The following SYNE1 variants were observed in gnomAD, a reference collection of about 807,000 sequenced individuals.
SYNE1 encodes nesprin-1.
A neutral mutation model predicts 1,111.0 loss-of-function variants in SYNE1; 616 were observed. The observed-to-expected ratio is 0.55, with a 90% CI of 0.52 to 0.59. The LOEUF (loss-of-function observed/expected upper bound fraction) is 0.59. Among genes scored for constraint, SYNE1 ranks in the 20% least tolerant of loss-of-function variants. The probability of loss-of-function intolerance (pLI) is 0.00; values close to 1 mark genes in which losing one functional copy is unlikely to be tolerated. For synonymous variants in SYNE1, 3,855 were observed against 3,825.8 expected (o/e 1.01, Z -0.28); for missense variants, 10,006 against 10,417.0 (o/e 0.96, Z 1.72).
chr6:152,536,826 T>A (rs923202728), intron 4 of SYNE1, among the ~76,000 whole-genome samples: 2 of 152,228 alleles, frequency 1.3e-5, no homozygotes, highest in South Asian at 4.1e-4. Context: ...TTTTTCTCCA[T>A]TTAAGCTTAG....
At chr6:152,314,291 C>G (rs1376168688) in intron 87 of SYNE1, among the ~76,000 whole-genome samples, 2 of 152,160 alleles carry the variant, frequency 1.3e-5, no homozygotes, top group Non-Finnish European at 2.9e-5. Context: ...TCTCTCTATT[C>G]TTATCTCTTA....
intron 48 of SYNE1, among the ~76,000 whole-genome samples, chr6:152,399,223 T>C (rs1051955897): frequency 3.3e-5 from 5 of 152,206 alleles, no homozygotes; most frequent in Non-Finnish European, 5.9e-5. Context: ...CCCTGTTTCA[T>C]GGCTTCTACC....
rs770321987 is a variant in SYNE1 at position 152,122,493 on chromosome 6, G to A, written c.26337C>T (p.Asn8779=). Residue 8779 remains asparagine (N), a synonymous_variant, in exon 146 of 146, where the codon AAC becomes AAT. Coordinates refer to ENST00000367255, the MANE Select transcript of SYNE1 (RefSeq NM_182961.4). Reference sequence around the variant, plus strand: ...GCATGGGGTGGAATGACCGGGCAAAGTTGTTGGAGAGGGCACAGCTGTAGT... The same window carrying A: ...GCATGGGGTGGAATGACCGGGCAAAATTGTTGGAGAGGGCACAGCTGTAGT... ...EEDYSCALSN[N]FARSFHPMLR... 4 of 1,614,116 alleles carry A rather than the reference G, an allele frequency of 2.5e-6. No individual in the cohort carries two copies. The highest frequency in any genetic ancestry group is 1.1e-5 in the South Asian group (1 of 91,096).
At chr6:152,147,876 C>G in intron 137 of SYNE1, 169 bp downstream of exon 137, 1 of 670,768 alleles carries the variant, frequency 1.5e-6, no homozygotes, top group Non-Finnish European at 2.6e-6. Context: ...ACGGCCACAC[C>G]AAATTTTGCA....
At chr6:152,533,879 T>C (rs2154361219) in intron 4 of SYNE1, among the ~76,000 whole-genome samples, 1 of 152,244 alleles carries the variant, frequency 6.6e-6, no homozygotes, top group East Asian at 1.9e-4. Flanking sequence ...ATATTTCTGG[T>C]TGGGCACGGT....
chr6:152,378,314 T>C (rs992977383), intron 56 of SYNE1, among the ~76,000 whole-genome samples: 10 of 152,170 alleles, frequency 6.6e-5, no homozygotes, highest in African/African-American at 2.2e-4. Flanking sequence ...TGGCCCAGAT[T>C]TGTAAAGAAA....
At chr6:152,234,974 G>C (rs1185002061) in intron 110 of SYNE1, among the ~76,000 whole-genome samples, 174 bp from the exon 111 acceptor site, 1 of 152,138 alleles carries the variant, frequency 6.6e-6, no homozygotes, top group Non-Finnish European at 1.5e-5. Flanking sequence ...TATCAAGCCT[G>C]TCTCTCTGGG....
Position 152,206,267 on chromosome 6 carries a change from C to T in SYNE1, c.22920G>A (p.Glu7640=). 1 of 1,613,950 alleles carries T rather than the reference C, an allele frequency of 6.2e-7. No individual in the cohort carries two copies. The highest frequency in any genetic ancestry group is 8.5e-7 in the Non-Finnish European group (1 of 1,180,032). ...QLLLSADSGA[E]AALQAELAEI... is the part of the protein sequence containing the mutation. ...CAGCGAGTTCGGCCTGCAAGGCGGC[C>T]TCAGCGCCACTGTCCGCCGAGAGAA... is the stretch of plus-strand genomic sequence containing the variant. The change falls in exon 126 of 146, where the codon GAG becomes GAA. Residue 7640 remains glutamate, a synonymous_variant. Transcript: ENST00000367255.
chr6:152,404,386 A>G (rs1388639432), intron 45 of SYNE1, 72 bp from the exon 46 acceptor site: 1 of 1,217,200 alleles, frequency 8.2e-7, no homozygotes, highest in Admixed American at 1.7e-5. Context: ...TAATTTCAAG[A>G]AGAGCTAACT....
chr6:152,495,347 C>T (rs1391379042), intron 11 of SYNE1, among the ~76,000 whole-genome samples: 1 of 152,214 alleles, frequency 6.6e-6, no homozygotes, highest in African/African-American at 2.4e-5. Flanking sequence ...CTTCTGTTGA[C>T]ATAATTCCTC....
intron 121 of SYNE1, among the ~76,000 whole-genome samples, chr6:152,216,884 C>G (rs963044983): frequency 1.1e-4 from 16 of 150,974 alleles, no homozygotes; most frequent in Non-Finnish European, 3.0e-5. Flanking sequence ...TGAACCACCC[C>G]CCTCTCCATC....
chr6:152,212,664 T>G (rs1348330439), intron 123 of SYNE1, among the ~76,000 whole-genome samples: 1 of 152,176 alleles, frequency 6.6e-6, no homozygotes, highest in African/African-American at 2.4e-5. Flanking sequence ...AATTTCTGGG[T>G]TATATGATTA....
intron 129 of SYNE1, among the ~76,000 whole-genome samples, chr6:152,177,558 A>C (rs2066796626): frequency 6.6e-6 from 1 of 152,186 alleles, no homozygotes; most frequent in Non-Finnish European, 1.5e-5. Context: ...TCATTTACCT[A>C]AGCCAAAGGG....
chr6:152,152,164 C>T, intron 133 of SYNE1, 23 bp from the exon 134 acceptor site: 1 of 1,611,886 alleles, frequency 6.2e-7, no homozygotes, highest in African/African-American at 1.3e-5. Flanking sequence ...AGAAGCATAT[C>T]AGTGTGAGAA....
At position 152,409,442 on chromosome 6, in the gene SYNE1, T is replaced by C. The variant is rs2097972571; in HGVS notation, c.6381+117A>G. On this transcript the variant is annotated intron_variant, in intron 43 of 145. Transcript: ENST00000367255. ...CTAGGGGAAAAAAAGTTGAGCTCATTAGCATGAATTACCCACATCTAAGTA... is the reference window on the plus strand; with the variant it reads ...CTAGGGGAAAAAAAGTTGAGCTCATCAGCATGAATTACCCACATCTAAGTA... 4.3e-6 allele frequency: 6 copies of C among 1,387,472 alleles called. No individual in the cohort carries two copies. In the South Asian group the frequency reaches 6.2e-5, roughly 14 times the overall value. 85.9% of individuals were successfully genotyped at this position (1,387,472 alleles called of 1,614,324 possible).
intron 34 of SYNE1, among the ~76,000 whole-genome samples, chr6:152,432,814 G>A (rs533761002): frequency 4.6e-5 from 7 of 152,188 alleles, no homozygotes; most frequent in Admixed American, 1.3e-4. Context: ...AATATTTAAT[G>A]AATATTCTTC....
At chr6:152,589,313 T>C (rs1450611735) in intron 3 of SYNE1, among the ~76,000 whole-genome samples, 5 of 152,200 alleles carry the variant, frequency 3.3e-5, no homozygotes, top group Admixed American at 3.3e-4. Context: ...TTTGATTATC[T>C]GAGAAAGGCT....
Position 152,427,753 on chromosome 6 carries a change from GGA to G in SYNE1, c.5038_5039del (p.Ser1680ProfsTer15). 1 of 1,614,008 alleles carries G rather than the reference GGA, an allele frequency of 6.2e-7. No homozygotes were observed. The highest frequency in any genetic ancestry group is 1.1e-5 in the South Asian group (1 of 91,074). ...TGTCTGCAGAAATGTCCATTTCTGG[GGA>G]ACTGGCTTTAGCTTCACCCCGCTCT... ...WLERGEAKAS[S>X]PEMDISADRV... is the part of the protein sequence containing the mutation. On this transcript the variant is annotated frameshift_variant, in exon 38 of 146. Coordinates refer to ENST00000367255, the MANE Select transcript of SYNE1 (RefSeq NM_182961.4). LOFTEE classifies it high-confidence loss of function.
chr6:152,456,825 A>T (rs764559580), intron 22 of SYNE1: 7 of 386,290 alleles, frequency 1.8e-5, no homozygotes, highest in South Asian at 1.3e-4. Flanking sequence ...AATACTTCAA[A>T]CTGCTCATTT....
Sources: allele counts gnomAD v4.1 joint callset (sites outside exome capture counted in the v4.1 genomes callset), GRCh38; gene constraint gnomAD v4.1.1; transcripts MANE v1.5; gene names NCBI Gene and HGNC (gene_info 2026-07-23, HGNC 2026-07-21).